The following ANKS3 variants were observed in gnomAD, a reference collection of about 807,000 sequenced individuals.
ANKS3 encodes ankyrin repeat and SAM domain-containing protein 3.
In ANKS3, 62 loss-of-function variants were observed where a neutral mutation model predicts 80.7. The observed-to-expected ratio is 0.77, with a 90% CI of 0.63 to 0.95. ANKS3 has a LOEUF of 0.95. Among genes scored for constraint, ANKS3 ranks in the 40% least tolerant of loss-of-function variants. The probability of loss-of-function intolerance (pLI) is 0.00; values close to 1 mark genes in which losing one functional copy is unlikely to be tolerated. For synonymous variants in ANKS3, 489 were observed against 355.3 expected (o/e 1.38, Z -4.23); for missense variants, 1,150 against 883.6 (o/e 1.30, Z -3.82).
chr16:4,705,715 C>T (rs2080152343), intron 7 of ANKS3, among the ~76,000 whole-genome samples: 1 of 152,128 alleles, frequency 6.6e-6, no homozygotes. Context: ...CTGCCTTGGC[C>T]TCCCAAAGTG....
At chr16:4,710,824 G>A (rs879857144) in intron 7 of ANKS3, among the ~76,000 whole-genome samples, 2 of 152,170 alleles carry the variant, frequency 1.3e-5, no homozygotes, top group Non-Finnish European at 2.9e-5. Context: ...CTTTGAGATG[G>A]AGTCTCGCTC....
At chr16:4,722,724 C>G (rs1023464943) in intron 6 of ANKS3, among the ~76,000 whole-genome samples, 4 of 151,594 alleles carry the variant, frequency 2.6e-5, no homozygotes, top group African/African-American at 9.7e-5. Flanking sequence ...TCAAGAGCAG[C>G]CTGGGCAACA....
Position 4,702,216 on chromosome 16 carries a change from T to C in ANKS3, c.895A>G (p.Thr299Ala). 1.3e-6 allele frequency: 2 copies of C among 1,585,654 alleles called. No individual in the cohort carries two copies. Among genetic ancestry groups the C allele is most frequent in the South Asian group, 1.1e-5 (1 of 88,282 alleles). Residue 299 changes from threonine (T) to alanine (A), a missense_variant, in exon 9 of 18, where the codon ACC (threonine) becomes GCC (alanine). Coordinates refer to ENST00000304283, the MANE Select transcript of ANKS3 (RefSeq NM_133450.4). ...YEQAPPRGYV[T>A]FNSSGENPLE... ...GGGTTCTCGCCACTGCTGTTGAAGG[T>C]GACATAGCCACGGGGAGGAGCCTGC...
rs754923124 is a variant in ANKS3, at chr16:4,730,093, G to A, written c.57C>T (p.Ser19=). ...SEPELLNRSL[S]MWHGLGTQVS... is the part of the protein sequence containing the mutation. ...CCTGTGTCCCGAGCCCGTGCCACAT[G>A]GACAAGCTGCGGTTCAGGAGTTCCG... Residue 19 remains serine (S), a synonymous_variant, in exon 3 of 18, where the codon TCC becomes TCT. Transcript: ENST00000304283. The A allele has an allele frequency of 5.0e-6, 8 of 1,594,068 alleles. No individual in the cohort carries two copies. In the South Asian group the frequency reaches 6.8e-5, roughly 13 times the overall value.
chr16:4,701,294 C>A, intron 10 of ANKS3, 140 bp downstream of exon 10: 2 of 1,364,240 alleles, frequency 1.5e-6, no homozygotes, highest in South Asian at 1.3e-5. Context: ...AAGCCAGACC[C>A]TGGACACAGC....
intron 6 of ANKS3, 200 bp from the exon 7 acceptor site, chr16:4,714,386 C>G (rs1180579342): frequency 8.2e-6 from 6 of 729,790 alleles, no homozygotes; most frequent in Non-Finnish European, 1.3e-5. Flanking sequence ...TTCTTAGGGA[C>G]AAGGATGAGG....
In ANKS3 at chr16:4,718,641, G is replaced by A. The variant is rs540788874; in HGVS notation, c.574-4455C>T. On this transcript the variant is annotated intron_variant, in intron 6 of 17. Coordinates refer to ENST00000304283, the MANE Select transcript of ANKS3 (RefSeq NM_133450.4). ...GCTCCAGGTGGTCTAACTACTGGGC[G>A]GCAGGAAAAACGTGGGAGAGAGGAG... Among the ~76,000 whole-genome samples, 8 of 152,330 alleles carry A rather than the reference G, an allele frequency of 5.3e-5. No individual in the cohort carries two copies. In the South Asian group the frequency reaches 1.2e-3, roughly 24 times the overall value.
intron 12 of ANKS3, 37 bp from the exon 13 acceptor site, chr16:4,698,978 C>A (rs2079747759): frequency 6.2e-7 from 1 of 1,613,088 alleles, no homozygotes; most frequent in African/African-American, 1.3e-5. Context: ...GCCTCAGCGT[C>A]CCAAGAGCGC....
At chr16:4,722,108 G>A (rs1357947217) in intron 6 of ANKS3, among the ~76,000 whole-genome samples, 1 of 151,234 alleles carries the variant, frequency 6.6e-6, no homozygotes, top group Non-Finnish European at 1.5e-5. Flanking sequence ...ACAGGCCTGC[G>A]GTGCACCCAC....
intron 14 of ANKS3, 42 bp downstream of exon 14, chr16:4,698,385 G>A: frequency 1.4e-6 from 2 of 1,443,586 alleles, no homozygotes; most frequent in East Asian, 2.5e-5. Flanking sequence ...CCAGGTGGCT[G>A]ACCACTGGAG....
intron 15 of ANKS3, 42 bp downstream of exon 15, chr16:4,697,935 C>T (rs772911851): frequency 4.8e-6 from 7 of 1,470,636 alleles, no homozygotes; most frequent in Admixed American, 2.6e-5. Context: ...GGCTCCCCCA[C>T]CTTCCCCTCT....
At chr16:4,728,040 G>C (rs536493336) in intron 3 of ANKS3, 2 of 152,172 alleles carry the variant, frequency 1.3e-5, no homozygotes, top group East Asian at 3.9e-4. Flanking sequence ...CCTTTTACGG[G>C]ATTCACTTTT....
chr16:4,709,512 C>A (rs1052040910), intron 7 of ANKS3, among the ~76,000 whole-genome samples: 1 of 152,104 alleles, frequency 6.6e-6, no homozygotes, highest in Non-Finnish European at 1.5e-5. Context: ...GATGTCTACA[C>A]CCTCATGTTT....
At chr16:4,710,614 T>G (rs1274662343) in intron 7 of ANKS3, among the ~76,000 whole-genome samples, 1 of 151,888 alleles carries the variant, frequency 6.6e-6, no homozygotes. Flanking sequence ...AGAGCTGAGG[T>G]AGAAGGATCG....
intron 5 of ANKS3, among the ~76,000 whole-genome samples, chr16:4,725,657 G>T (rs2081310224): frequency 1.3e-5 from 2 of 152,072 alleles, no homozygotes; most frequent in South Asian, 4.1e-4. Flanking sequence ...ACTCATGACT[G>T]GTTTTTTGTT....
chr16:4,702,207 T>A lies in ANKS3; in HGVS notation c.904A>T (p.Ser302Cys), dbSNP rs1442915511. Residue 302 changes from serine to cysteine, a missense_variant, in exon 9 of 18, where the codon AGC becomes TGC. Transcript: ENST00000304283. ...TCTTCCAGGGGGTTCTCGCCACTGC[T>A]GTTGAAGGTGACATAGCCACGGGGA... is the stretch of plus-strand genomic sequence containing the variant. The part of the protein sequence containing the change: ...APPRGYVTFN[S>C]SGENPLEEEG... 1 of 1,588,738 alleles carries A rather than the reference T, an allele frequency of 6.3e-7. No homozygotes were observed. Among genetic ancestry groups the A allele is most frequent in the African/African-American group, 1.4e-5 (1 of 73,196 alleles).
At chr16:4,717,765 C>G (rs2080874499) in intron 6 of ANKS3, among the ~76,000 whole-genome samples, 1 of 152,082 alleles carries the variant, frequency 6.6e-6, no homozygotes, top group South Asian at 2.1e-4. Context: ...CCTCCCTTCT[C>G]AGCCTCCCTG....
Position 4,705,181 on chromosome 16 carries a change from T to C in ANKS3, c.782A>G (p.Lys261Arg). 1 of 1,613,922 alleles carries C rather than the reference T, an allele frequency of 6.2e-7. No individual in the cohort carries two copies. The highest frequency in any genetic ancestry group is 8.5e-7 in the Non-Finnish European group (1 of 1,180,030). Residue 261 changes from lysine (K) to arginine (R), a missense_variant, in exon 8 of 18, where the codon AAG (lysine) becomes AGG (arginine). Physicochemically the swap from Lys to Arg is conservative, Grantham distance 26 (BLOSUM62 2). Coordinates refer to ENST00000304283, the MANE Select transcript of ANKS3 (RefSeq NM_133450.4). Reference protein sequence around the residue: ...APQRQRPCRKKGVSIHEGPRA... With the variant: ...APQRQRPCRKRGVSIHEGPRA... ...CGGTCCCTCGTGGATGCTGACACCC[T>C]TCTTCCGGCAAGGCCTCTGTCTCTG...
At chr16:4,699,494 G>C (rs1014610024) in intron 11 of ANKS3, 2 of 358,858 alleles carry the variant, frequency 5.6e-6, no homozygotes, top group Admixed American at 7.6e-5. Context: ...TGTAGGCGGA[G>C]AGCGCTGCCC....
Sources: allele counts gnomAD v4.1 joint callset (sites outside exome capture counted in the v4.1 genomes callset), GRCh38; gene constraint gnomAD v4.1.1; transcripts MANE v1.5; gene names NCBI Gene and HGNC (gene_info 2026-07-23, HGNC 2026-07-21).